EPHA5: variants seen among roughly 807,000 people sequenced by gnomAD.
EPHA5 encodes the protein EPH receptor A5, also known as ephrin type-A receptor 5.
A neutral mutation model predicts 105.0 loss-of-function variants in EPHA5; 60 were observed. The ratio of observed to expected loss-of-function variants is 0.57; its 90% CI spans 0.46 to 0.71. The LOEUF is 0.71. Among genes scored for constraint, EPHA5 ranks in the 30% least tolerant of loss-of-function variants. EPHA5 has a pLI of 0.00. For synonymous variants in EPHA5, 513 were observed against 449.1 expected, an observed-to-expected ratio of 1.14 and a Z score of -1.80; for missense variants, 1,218 against 1,274.7, an observed-to-expected ratio of 0.96 and a Z score of 0.68.
chr4:65,564,102 T>A (rs1458364071), intron 3 of EPHA5, among the ~76,000 whole-genome samples: 1 of 152,090 alleles, frequency 6.6e-6, no homozygotes, highest in East Asian at 1.9e-4. Context: ...AATGATTTCT[T>A]TGAGGCCTGA....
chr4:65,654,071 G>A (rs578076150), intron 1 of EPHA5, among the ~76,000 whole-genome samples: 51 of 151,576 alleles, frequency 3.4e-4, no homozygotes, highest in African/African-American at 1.1e-3. Context: ...CATGGCTATC[G>A]GTGCTTCTCT....
chr4:65,520,439 A>G lies in EPHA5; in HGVS notation c.911-24896T>C, dbSNP rs570056836. 3.3e-5 allele frequency among the ~76,000 whole-genome samples: 5 copies of G among 152,174 alleles called. No individual in the cohort carries two copies. In the South Asian group the frequency reaches 1.0e-3, roughly 32 times the overall value. On this transcript the variant is annotated intron_variant, in intron 3 of 16. Coordinates refer to ENST00000613740, the MANE Select transcript of EPHA5 (RefSeq NM_001281766.3). ...CATAAAAACCCTAGAAGAAAACCTA[A>G]GCAATACCATTCAGGTCATGGTCAT...
intron 1 of EPHA5, among the ~76,000 whole-genome samples, chr4:65,652,202 G>A (rs953652938): frequency 6.6e-6 from 1 of 152,018 alleles, no homozygotes; most frequent in Non-Finnish European, 1.5e-5. Flanking sequence ...ACAAAACATT[G>A]TCAAGTCCTC....
intron 2 of EPHA5, among the ~76,000 whole-genome samples, chr4:65,611,009 T>C (rs1022277386): frequency 2.6e-5 from 4 of 152,104 alleles, no homozygotes; most frequent in African/African-American, 9.7e-5. Context: ...ATTATGAAGG[T>C]TTACATAGTT....
At chr4:65,403,313 G>A (rs77781390) in intron 8 of EPHA5, among the ~76,000 whole-genome samples, 8,596 of 152,116 alleles carry the variant, frequency 0.057, 358 homozygotes, top group Middle Eastern at 0.11. Flanking sequence ...GTGCTGAAGA[G>A]TCAACAGTAA....
chr4:65,556,994 G>C (rs1738509337), intron 3 of EPHA5, among the ~76,000 whole-genome samples: 1 of 151,554 alleles, frequency 6.6e-6, no homozygotes, highest in Non-Finnish European at 1.5e-5. Flanking sequence ...ATAAAATTCT[G>C]TTTGTCCTTT....
intron 3 of EPHA5, among the ~76,000 whole-genome samples, chr4:65,554,973 T>C (rs943973550): frequency 1.2e-5 from 1 of 85,212 alleles, no homozygotes; most frequent in African/African-American, 4.6e-5. Flanking sequence ...TTCACCCCTA[T>C]ACAACAGCAA....
At chr4:65,348,832 T>TTTTTTTTG (rs1388993401) in intron 13 of EPHA5, among the ~76,000 whole-genome samples, 1 of 134,992 alleles carries the variant, frequency 7.4e-6, no homozygotes, top group African/African-American at 2.7e-5. Context: ...TTTTTTTTTT[T>TTTTTTTTG]TGAGACAGGG....
At chr4:65,638,173 G>A (rs930638855) in intron 2 of EPHA5, among the ~76,000 whole-genome samples, 13 of 151,984 alleles carry the variant, frequency 8.6e-5, no homozygotes, top group Non-Finnish European at 1.9e-4. Flanking sequence ...TCATACAATT[G>A]CTTTTTTATT....
chr4:65,440,499 T>TACACACACACACACAC (rs71657410), intron 5 of EPHA5, among the ~76,000 whole-genome samples: 140 of 143,424 alleles, frequency 9.8e-4, no homozygotes, highest in African/African-American at 2.3e-3. Flanking sequence ...TCCTAAATCT[T>TACACACACACACACAC]ACACACACAC....
At chr4:65,557,895 T>C (rs1017680665) in intron 3 of EPHA5, among the ~76,000 whole-genome samples, 2 of 152,112 alleles carry the variant, frequency 1.3e-5, no homozygotes, top group African/African-American at 4.8e-5. Flanking sequence ...TTTTTTTTTT[T>C]TAGACGGAGT....
intron 8 of EPHA5, among the ~76,000 whole-genome samples, chr4:65,397,176 T>G (rs1003211943): frequency 6.6e-6 from 1 of 152,198 alleles, no homozygotes; most frequent in Non-Finnish European, 1.5e-5. Flanking sequence ...CCAGCAGGAC[T>G]GATGGGCCCT....
At chr4:65,601,494 C>T (rs1282887981) in intron 3 of EPHA5, 147 bp downstream of exon 3, 3 of 829,668 alleles carry the variant, frequency 3.6e-6, no homozygotes, top group Non-Finnish European at 5.4e-6. Context: ...TTTTAAAATT[C>T]TGAAAAGAGA....
chr4:65,342,160 GTTT>G (rs1456705724), intron 14 of EPHA5, among the ~76,000 whole-genome samples: 6 of 78,164 alleles, frequency 7.7e-5, no homozygotes, highest in Non-Finnish European at 1.5e-4. Flanking sequence ...CAAGATTTTT[GTTT>G]TGTTGTTGTT....
chr4:65,658,926 G>A (rs1749300385), intron 1 of EPHA5, among the ~76,000 whole-genome samples: 1 of 151,932 alleles, frequency 6.6e-6, no homozygotes, highest in African/African-American at 2.4e-5. Flanking sequence ...TCTATTATGA[G>A]ATTCATGTGG....
At chr4:65,458,724 C>G (rs1367651537) in intron 5 of EPHA5, among the ~76,000 whole-genome samples, 1 of 152,006 alleles carries the variant, frequency 6.6e-6, no homozygotes, top group African/African-American at 2.4e-5. Context: ...TAGTACCTTT[C>G]TAATAGTAGG....
rs1189516352 is a variant in EPHA5, at chr4:65,322,213, T to C, written c.*1901A>G. The C allele has an allele frequency of 4.5e-6, 1 of 224,052 alleles. No individual in the cohort carries two copies. Among genetic ancestry groups the C allele is most frequent in the Non-Finnish European group, 8.9e-6 (1 of 112,250 alleles). The allele number at this position is 224,052 out of a possible 1,614,324, so 13.9% of individuals were successfully genotyped here. On this transcript the variant is annotated 3_prime_UTR_variant, in exon 17 of 17. Transcript: ENST00000613740. ...TATTATTTGAAAACTGTTTAGATTTTTGTTGTGGTTATTTTGATGTTTCCT... is the reference window on the plus strand; with the variant it reads ...TATTATTTGAAAACTGTTTAGATTTCTGTTGTGGTTATTTTGATGTTTCCT...
At chr4:65,531,440 TG>T (rs1735787022) in intron 3 of EPHA5, among the ~76,000 whole-genome samples, 1 of 152,194 alleles carries the variant, frequency 6.6e-6, no homozygotes, top group South Asian at 2.1e-4. Context: ...TCTTTAAGAA[TG>T]AAAGCTATAT....
chr4:65,408,656 G>A (rs1337043613), intron 7 of EPHA5, among the ~76,000 whole-genome samples: 1 of 152,060 alleles, frequency 6.6e-6, no homozygotes, highest in East Asian at 1.9e-4. Context: ...TCTCACAGCA[G>A]TTAGAATGGT....
Sources: allele counts gnomAD v4.1 joint callset (sites outside exome capture counted in the v4.1 genomes callset), GRCh38; gene constraint gnomAD v4.1.1; transcripts MANE v1.5; gene names NCBI Gene and HGNC (gene_info 2026-07-23, HGNC 2026-07-21).